Variants in BBS9 observed in about 807,000 individuals in gnomAD.
BBS9 encodes protein PTHB1.
BBS9 carries 89 observed loss-of-function variants against 117.7 expected under a neutral mutation model. The ratio of observed to expected loss-of-function variants is 0.76; its 90% CI spans 0.64 to 0.90. The LOEUF (loss-of-function observed/expected upper bound fraction) is 0.90. Ranked by LOEUF, BBS9 falls within the 40% of genes least tolerant of loss-of-function variation. The probability of loss-of-function intolerance (pLI) is 0.00; values close to 1 mark genes in which losing one functional copy is unlikely to be tolerated. For synonymous variants in BBS9, 379 were observed against 370.9 expected (o/e 1.02, Z -0.25); for missense variants, 982 against 1,042.2 (o/e 0.94, Z 0.80).
chr7:33,178,231 C>A (rs1797611526), intron 5 of BBS9, among the ~76,000 whole-genome samples: 1 of 152,218 alleles, frequency 6.6e-6, no homozygotes, highest in Non-Finnish European at 1.5e-5. Flanking sequence ...CTCATCGAGC[C>A]ATGCTTTCTG....
At chr7:33,413,263 G>T (rs751170972) in intron 19 of BBS9, among the ~76,000 whole-genome samples, 1 of 152,144 alleles carries the variant, frequency 6.6e-6, no homozygotes, top group Non-Finnish European at 1.5e-5. Context: ...TATTTAGGTG[G>T]AGAAACCACT....
At chr7:33,377,611 A>G (rs1824140268) in intron 17 of BBS9, among the ~76,000 whole-genome samples, 3 of 152,310 alleles carry the variant, frequency 2.0e-5, no homozygotes, top group Middle Eastern at 6.8e-3. Flanking sequence ...TGCTTTGGGT[A>G]GTATGGCCAT....
intron 6 of BBS9, among the ~76,000 whole-genome samples, chr7:33,258,122 G>C (rs950256465): frequency 2.6e-5 from 4 of 152,150 alleles, no homozygotes; most frequent in Admixed American, 1.3e-4. Context: ...GAGAGAATGG[G>C]GAAAAGAGTA....
At chr7:33,426,364 G>A (rs118063306) in intron 19 of BBS9, among the ~76,000 whole-genome samples, 1,884 of 152,166 alleles carry the variant, frequency 0.012, 17 homozygotes, top group Non-Finnish European at 0.019. Flanking sequence ...GTAATGTTTT[G>A]CCTTCAATAA....
At chr7:33,385,704 T>C (rs1825880617) in intron 18 of BBS9, among the ~76,000 whole-genome samples, 1 of 152,106 alleles carries the variant, frequency 6.6e-6, no homozygotes, top group African/African-American at 2.4e-5. Flanking sequence ...AAAGAATGAA[T>C]TATTGATAAT....
chr7:33,477,171 A>G (rs1045693079), intron 19 of BBS9, among the ~76,000 whole-genome samples: 2 of 152,216 alleles, frequency 1.3e-5, no homozygotes, highest in African/African-American at 4.8e-5. Context: ...TGTTGGGAAG[A>G]TTAAGGGAAT....
At chr7:33,290,539 C>T (rs1803823288) in intron 9 of BBS9, among the ~76,000 whole-genome samples, 1 of 152,184 alleles carries the variant, frequency 6.6e-6, no homozygotes, top group East Asian at 1.9e-4. Flanking sequence ...GCAACTACTG[C>T]AGCCACTAAA....
At chr7:33,316,667 C>T (rs79089515) in intron 9 of BBS9, among the ~76,000 whole-genome samples, 6,351 of 152,092 alleles carry the variant, frequency 0.042, 465 homozygotes, top group African/African-American at 0.15. Context: ...TTTTTCGTGG[C>T]TTATTGGCCA....
At position 33,336,523 on chromosome 7, in the gene BBS9, C is replaced by T. The variant is rs377289479; in HGVS notation, c.1099C>T (p.Gln367Ter). The part of the protein sequence containing the change: ...SYLGTDPSLF[Q>*]APNVQSRELN... Reference sequence around the variant, plus strand: ...CCTGGGGACAGATCCTTCTCTGTTCCAAGCTCCAAACGTTCAATCTCGAGA... The same window carrying T: ...CCTGGGGACAGATCCTTCTCTGTTCTAAGCTCCAAACGTTCAATCTCGAGA... The change falls in exon 10 of 23, where the codon CAA (glutamine) becomes TAA (stop). Residue 367 changes from glutamine to a stop codon, truncating the protein, a stop_gained. Transcript: ENST00000242067. LOFTEE classifies it high-confidence loss of function. 2 of 1,613,318 alleles carry T rather than the reference C, an allele frequency of 1.2e-6. No individual in the cohort carries two copies. Among genetic ancestry groups the T allele is most frequent in the Non-Finnish European group, 1.7e-6 (2 of 1,179,598 alleles).
At chr7:33,510,621 T>A (rs1012776121) in intron 20 of BBS9, among the ~76,000 whole-genome samples, 6 of 152,182 alleles carry the variant, frequency 3.9e-5, no homozygotes, top group Non-Finnish European at 5.9e-5. Context: ...ACTTTAACAT[T>A]GCAAGCAAAC....
chr7:33,439,859 C>G (rs1835900085), intron 19 of BBS9, among the ~76,000 whole-genome samples: 1 of 152,126 alleles, frequency 6.6e-6, no homozygotes, highest in Admixed American at 6.6e-5. Context: ...ACCTTTCTCT[C>G]TAGAGGAAGA....
intron 2 of BBS9, among the ~76,000 whole-genome samples, chr7:33,152,078 G>A (rs1485514625): frequency 6.6e-6 from 1 of 152,082 alleles, no homozygotes; most frequent in Non-Finnish European, 1.5e-5. Context: ...CACTAATTGA[G>A]TTTGATCACA....
chr7:33,437,823 C>T (rs990600370), intron 19 of BBS9, among the ~76,000 whole-genome samples: 2 of 152,166 alleles, frequency 1.3e-5, no homozygotes, highest in Non-Finnish European at 2.9e-5. Flanking sequence ...TTGCACTGAG[C>T]CAAGATCCTG....
At chr7:33,416,443 T>C (rs1261302834) in intron 19 of BBS9, among the ~76,000 whole-genome samples, 1 of 151,916 alleles carries the variant, frequency 6.6e-6, no homozygotes, top group Non-Finnish European at 1.5e-5. Context: ...TTGTAAAAAT[T>C]AGAAAAATGA....
At chr7:33,418,286 G>A (rs1488188723) in intron 19 of BBS9, among the ~76,000 whole-genome samples, 1 of 152,104 alleles carries the variant, frequency 6.6e-6, no homozygotes. Context: ...AGTGTGTTCC[G>A]GACATACAGT....
At chr7:33,264,865 GT>G (rs1017043488) in intron 7 of BBS9, among the ~76,000 whole-genome samples, 12 of 152,180 alleles carry the variant, frequency 7.9e-5, no homozygotes, top group African/African-American at 2.6e-4. Context: ...ATTTAGAAAT[GT>G]TTTGGCCATT....
At chr7:33,527,821 C>T (rs1849877100) in intron 20 of BBS9, among the ~76,000 whole-genome samples, 1 of 152,156 alleles carries the variant, frequency 6.6e-6, no homozygotes, top group African/African-American at 2.4e-5. Flanking sequence ...ATTTTGAGCC[C>T]TCTTTGCATG....
chr7:33,445,671 T>TAAA (rs1836878656), intron 19 of BBS9, among the ~76,000 whole-genome samples: 1 of 152,208 alleles, frequency 6.6e-6, no homozygotes, highest in Non-Finnish European at 1.5e-5. Context: ...TCCGCCCAAA[T>TAAA]CTCATCTTGA....
chr7:33,177,509 A>G lies in BBS9; in HGVS notation c.360A>G (p.Gln120=). 1.2e-6 allele frequency: 2 copies of G among 1,613,190 alleles called. No individual in the cohort carries two copies. The highest frequency in any genetic ancestry group is 1.7e-6 in the Non-Finnish European group (2 of 1,179,724). The change falls in exon 5 of 23, where the codon CAA becomes CAG. Residue 120 remains glutamine, a synonymous_variant. Transcript: ENST00000242067. ...GTLGNVEHGN[Q]CQMKLMYEHN... ...TGGGTAATGTGGAACATGGGAACCA[A>G]TGTCAGATGAAATTGATGTATGAAC... is the stretch of plus-strand genomic sequence containing the variant.
Sources: gnomAD v4.1 joint callset for allele counts (sites outside exome capture counted in the v4.1 genomes callset) on GRCh38, gnomAD v4.1.1 for gene constraint, MANE v1.5 for transcripts, NCBI Gene and HGNC (gene_info 2026-07-23, HGNC 2026-07-21) for gene names.